The following CCND3 variants were observed in gnomAD, a reference collection of about 807,000 sequenced individuals.
The protein encoded by CCND3 is cyclin D3, also known as G1/S-specific cyclin-D3.
CCND3 carries 9 observed loss-of-function variants against 28.7 expected under a neutral mutation model. That is an observed-to-expected ratio of 0.31 (90% CI 0.19 to 0.55). The LOEUF is 0.55. CCND3 is among the 20% of genes least tolerant of loss of function. The pLI, the probability that CCND3 is intolerant of heterozygous loss-of-function variation, is 0.93. For synonymous variants in CCND3, 164 were observed against 163.9 expected (o/e 1.00, Z 0.00); for missense variants, 315 against 385.8 (o/e 0.82, Z 1.54).
At chr6:41,987,505 CTCTCTCTCTCTCTGTGTG>C (rs745595692) in intron 1 of CCND3, among the ~76,000 whole-genome samples, 2,590 of 94,720 alleles carry the variant, frequency 0.027, 48 homozygotes, top group African/African-American at 0.12. Context: ...CTCTCTCTCT[CTCTCTCTCTCTCTGTGTG>C]TGTGTGTGTG....
chr6:42,011,739 G>T (rs1763350770), intron 1 of CCND3, among the ~76,000 whole-genome samples: 1 of 152,184 alleles, frequency 6.6e-6, no homozygotes, highest in South Asian at 2.1e-4. Context: ...GAACAGATGG[G>T]TGTAAACTGA....
At chr6:41,965,815 C>T (rs969234549) in intron 1 of CCND3, among the ~76,000 whole-genome samples, 2 of 152,162 alleles carry the variant, frequency 1.3e-5, no homozygotes, top group East Asian at 1.9e-4. Context: ...GGGTTAAGGT[C>T]GAACTTTCAC....
intron 1 of CCND3, among the ~76,000 whole-genome samples, chr6:42,034,790 TAAAC>T (rs1367419152): frequency 1.3e-5 from 2 of 152,164 alleles, no homozygotes; most frequent in South Asian, 2.1e-4. Context: ...CTCTGTCTCT[TAAAC>T]AAATTTTTTT....
intron 1 of CCND3, among the ~76,000 whole-genome samples, chr6:41,987,904 C>T (rs1243342428): frequency 6.6e-6 from 1 of 151,808 alleles, no homozygotes; most frequent in South Asian, 2.1e-4. Flanking sequence ...TCTTTGCTTC[C>T]TTTTTGAGCT....
rs186414568 is a variant in CCND3, at chr6:42,036,728, C to T, written c.-46+11773G>A. On this transcript the variant is annotated intron_variant, in intron 1 of 4. Coordinates refer to the CCND3 transcript ENST00000372988. ...CAGTCCTCTCTTTTCTAATGAGATA[C>T]CTGCCTGAGGCCAAATTTTCTTCAT... Among the ~76,000 whole-genome samples the T allele has an allele frequency of 4.0e-3, 607 of 151,466 alleles. 4 individuals are homozygous for T. Among genetic ancestry groups the T allele is most frequent in the Non-Finnish European group, 5.7e-3 (388 of 67,840 alleles).
chr6:42,036,948 T>C (rs1198637855), intron 1 of CCND3, among the ~76,000 whole-genome samples: 1 of 152,140 alleles, frequency 6.6e-6, no homozygotes, highest in Admixed American at 6.6e-5. Context: ...TGTTTTGTTT[T>C]GTTTTTTTGA....
chr6:42,036,124 T>C (rs1764200609), intron 1 of CCND3, among the ~76,000 whole-genome samples: 1 of 150,398 alleles, frequency 6.6e-6, no homozygotes. Context: ...TCCCAAGTAG[T>C]TGGGATTATA....
intron 1 of CCND3, among the ~76,000 whole-genome samples, chr6:42,036,403 A>ATAT (rs57619585): frequency 0.044 from 1,395 of 31,444 alleles, 180 homozygotes; most frequent in Admixed American, 0.058. Flanking sequence ...ATATATATAT[A>ATAT]TTTTTTTTTT....
At chr6:41,946,557 C>T (rs947531571), upstream of CCND3, among the ~76,000 whole-genome samples, 2 of 125,816 alleles carry the variant, frequency 1.6e-5, no homozygotes, top group African/African-American at 6.1e-5. Context: ...GCCCAGATCG[C>T]ACTACTGCAC....
chr6:41,949,523 G>A (rs972757472), intron 1 of CCND3, among the ~76,000 whole-genome samples: 1 of 151,966 alleles, frequency 6.6e-6, no homozygotes, highest in South Asian at 2.1e-4. Flanking sequence ...AGAAATTTCC[G>A]CCAGGCGCAG....
Position 41,935,774 on chromosome 6 carries a change from C to A in CCND3, c.*166G>T. The A allele has an allele frequency of 1.5e-6, 1 of 654,538 alleles. No homozygotes were observed. The highest frequency in any genetic ancestry group is 1.8e-5 in the South Asian group (1 of 54,146). The allele number at this position is 654,538 out of a possible 1,614,324, so 40.5% of individuals were successfully genotyped here. On this transcript the variant is annotated 3_prime_UTR_variant, in exon 5 of 5. Coordinates refer to ENST00000372991, the MANE Select transcript of CCND3 (RefSeq NM_001760.5). ...AAATGCAGACATGGCTGGCCGGGCC[C>A]CTTAGTGCACACTGCGGGGATGGGT... is the stretch of plus-strand genomic sequence containing the variant.
rs547720067 is a variant in CCND3 at position 41,935,304 on chromosome 6, A to G, written c.*636T>C. 17 of 234,058 alleles carry G rather than the reference A, an allele frequency of 7.3e-5. No homozygotes were observed. The highest frequency in any genetic ancestry group is 3.5e-4 in the African/African-American group (16 of 45,502). The allele number at this position is 234,058 out of a possible 1,614,324, so 14.5% of individuals were successfully genotyped here. On this transcript the variant is annotated 3_prime_UTR_variant, in exon 5 of 5. Transcript: ENST00000372991. The stretch of plus-strand genomic sequence containing the variant: ...AAGTTGTGCTCAAAGCAATTAATAA[A>G]TTAAAATGAGCCTTCAGCAGCAAAG...
intron 1 of CCND3, among the ~76,000 whole-genome samples, chr6:41,950,701 CCTTTTTTTTTT>C (rs1776285277): frequency 6.7e-6 from 1 of 150,286 alleles, no homozygotes; most frequent in Non-Finnish European, 1.5e-5. Flanking sequence ...GAGAAGACTC[CCTTTTTTTTTT>C]CTTTTTTTTT....
chr6:41,987,505 C>G (rs1001538491), intron 1 of CCND3, among the ~76,000 whole-genome samples: 1,174 of 94,722 alleles, frequency 0.012, 6 homozygotes, highest in Middle Eastern at 0.029. Flanking sequence ...CTCTCTCTCT[C>G]TCTCTCTCTC....
intron 1 of CCND3, among the ~76,000 whole-genome samples, chr6:42,013,308 G>A (rs929373056): frequency 2.0e-5 from 3 of 152,136 alleles, no homozygotes; most frequent in Non-Finnish European, 4.4e-5. Flanking sequence ...CTTAAACCAC[G>A]GTTTTCTCTT....
Position 42,048,524 on chromosome 6 carries a change from G to C in CCND3, c.-69C>G. ...ACCTCCTCGTCAGGTGACCTCCCCG[G>C]AGCACCGACTGGGGTCGCAGGCGCT... On this transcript the variant is annotated 5_prime_UTR_variant, in exon 1 of 5. Coordinates refer to the CCND3 transcript ENST00000372988. The surrounding 1 kb of genome is among the most constrained non-coding windows in gnomAD (Gnocchi z 4.7). The C allele has an allele frequency of 1.9e-6, 1 of 514,890 alleles. No homozygotes were observed. The highest frequency in any genetic ancestry group is 1.4e-5 in the South Asian group (1 of 70,814). 31.9% of individuals were successfully genotyped at this position (514,890 alleles called of 1,614,324 possible). A position where few individuals can be genotyped will look rare whatever the true frequency, so the allele number is the denominator to read the frequency against.
intron 1 of CCND3, among the ~76,000 whole-genome samples, chr6:41,953,988 C>T (rs994116188): frequency 1.1e-4 from 17 of 151,990 alleles, no homozygotes; most frequent in African/African-American, 3.6e-4. Context: ...CAGTGGCTCA[C>T]GCCTTTAATC....
At chr6:41,987,507 CTCTCTCTCTCTGTGTGTGTGTG>C (rs1330800115) in intron 1 of CCND3, among the ~76,000 whole-genome samples, 10 of 63,190 alleles carry the variant, frequency 1.6e-4, no homozygotes, top group East Asian at 1.4e-3. Context: ...CTCTCTCTCT[CTCTCTCTCTCTGTGTGTGTGTG>C]TGTGTGTGTG....
chr6:42,000,234 CTTTTTTT>C (rs70987562), intron 1 of CCND3, among the ~76,000 whole-genome samples: 103 of 51,032 alleles, frequency 2.0e-3, no homozygotes, highest in Middle Eastern at 0.022. Flanking sequence ...TGAAAACATA[CTTTTTTT>C]TTTTTTTTTT....
Sources: gnomAD v4.1 joint callset for allele counts (sites outside exome capture counted in the v4.1 genomes callset) on GRCh38, gnomAD v4.1.1 for gene constraint, Gnocchi (gnomAD v3.1) non-coding constraint, MANE v1.5 for transcripts, NCBI Gene and HGNC (gene_info 2026-07-23, HGNC 2026-07-21) for gene names.